ARHGAP42: variants seen among roughly 807,000 people sequenced by gnomAD.
The protein encoded by ARHGAP42 is Rho GTPase activating protein 42.
ARHGAP42 carries 63 observed loss-of-function variants against 125.0 expected under a neutral mutation model. The ratio of observed to expected loss-of-function variants is 0.50; its 90% CI spans 0.41 to 0.62. The LOEUF is 0.62. Ranked by LOEUF, ARHGAP42 falls within the 20% of genes least tolerant of loss-of-function variation. The pLI, the probability that ARHGAP42 is intolerant of heterozygous loss-of-function variation, is 0.00. For synonymous variants in ARHGAP42, 339 were observed against 351.0 expected (o/e 0.97, Z 0.38); for missense variants, 766 against 1,024.2 (o/e 0.75, Z 3.44).
intron 1 of ARHGAP42, among the ~76,000 whole-genome samples, chr11:100,719,934 C>G (rs1462098262): frequency 6.6e-6 from 1 of 152,204 alleles, no homozygotes; most frequent in Admixed American, 6.5e-5. Context: ...AGTTTCACCC[C>G]CAACCTTGCC....
chr11:100,827,244 T>C (rs929590253), intron 3 of ARHGAP42, among the ~76,000 whole-genome samples: 14 of 152,034 alleles, frequency 9.2e-5, no homozygotes, highest in Non-Finnish European at 1.8e-4. Context: ...CTCAAGTGAT[T>C]CACCCATCTT....
At chr11:100,783,927 A>T (rs1863372769) in intron 2 of ARHGAP42, among the ~76,000 whole-genome samples, 2 of 152,306 alleles carry the variant, frequency 1.3e-5, no homozygotes, top group Admixed American at 6.5e-5. Context: ...TACTTACAAA[A>T]TAGAAGGGGG....
intron 22 of ARHGAP42, among the ~76,000 whole-genome samples, chr11:100,987,043 C>T (rs1382794703): frequency 6.6e-6 from 1 of 152,042 alleles, no homozygotes; most frequent in Non-Finnish European, 1.5e-5. Flanking sequence ...TATTATTTTT[C>T]CTATATCACG....
chr11:100,810,484 A>C (rs1171592829), intron 3 of ARHGAP42, among the ~76,000 whole-genome samples: 1 of 152,174 alleles, frequency 6.6e-6, no homozygotes, highest in Non-Finnish European at 1.5e-5. Context: ...ACTTCTGCCA[A>C]ACCTTTGTAT....
At chr11:100,714,387 ATT>A (rs1861616997) in intron 1 of ARHGAP42, among the ~76,000 whole-genome samples, 1 of 98,210 alleles carries the variant, frequency 1.0e-5, no homozygotes, top group Non-Finnish European at 2.0e-5. Flanking sequence ...AAACATAAAA[ATT>A]TGTGTGTGTG....
chr11:100,883,333 C>A (rs543335386), intron 4 of ARHGAP42, among the ~76,000 whole-genome samples: 27 of 152,108 alleles, frequency 1.8e-4, no homozygotes, highest in Non-Finnish European at 3.4e-4. Flanking sequence ...GGTTTTGTTT[C>A]TGTTTGTTTT....
At position 100,991,499 on chromosome 11, in the gene ARHGAP42, TATG is replaced by T. The variant is rs1325071453; in HGVS notation, c.*2706_*2708del. The T allele has an allele frequency of 1.3e-5, 2 of 152,126 alleles. No homozygotes were observed. Among genetic ancestry groups the T allele is most frequent in the African/African-American group, 4.8e-5 (2 of 41,434 alleles). The allele number at this position is 152,126 out of a possible 1,614,324, so 9.4% of individuals were successfully genotyped here. A position where few individuals can be genotyped will look rare whatever the true frequency, so the allele number is the denominator to read the frequency against. ...TAATAACTGCTTACGGTATAATCAG[TATG>T]ATGATGAGATTGAGGGGGTCTAAAT... On this transcript the variant is annotated 3_prime_UTR_variant, in exon 24 of 24. Coordinates refer to ENST00000298815, the MANE Select transcript of ARHGAP42 (RefSeq NM_152432.4).
chr11:100,709,015 GA>G (rs1861520345), intron 1 of ARHGAP42, among the ~76,000 whole-genome samples: 1 of 151,962 alleles, frequency 6.6e-6, no homozygotes, highest in South Asian at 2.1e-4. Flanking sequence ...TTCTTTTTGT[GA>G]TCTGTCAATC....
At chr11:100,965,398 G>A (rs994939474) in intron 16 of ARHGAP42, among the ~76,000 whole-genome samples, 1 of 152,090 alleles carries the variant, frequency 6.6e-6, no homozygotes, top group African/African-American at 2.4e-5. Context: ...ATGAGTTTTG[G>A]CTGTATCAAA....
intron 1 of ARHGAP42, among the ~76,000 whole-genome samples, chr11:100,690,692 G>A (rs953217247): frequency 4.6e-5 from 7 of 152,180 alleles, no homozygotes; most frequent in Admixed American, 1.3e-4. Context: ...CGCCTCCCAG[G>A]TTCACACCAT....
intron 2 of ARHGAP42, among the ~76,000 whole-genome samples, chr11:100,776,825 A>C (rs1863137850): frequency 1.3e-5 from 2 of 152,036 alleles, no homozygotes. Context: ...TCTTCTAAAA[A>C]TACAAAAATG....
chr11:100,705,699 A>C (rs1861471715), intron 1 of ARHGAP42, among the ~76,000 whole-genome samples: 1 of 152,110 alleles, frequency 6.6e-6, no homozygotes, highest in South Asian at 2.1e-4. Context: ...CAATATCTTT[A>C]CCTTACCTGG....
At chr11:100,700,824 A>G (rs1260335689) in intron 1 of ARHGAP42, among the ~76,000 whole-genome samples, 6 of 152,234 alleles carry the variant, frequency 3.9e-5, no homozygotes, top group Admixed American at 2.0e-4. Context: ...CCAGACTTCT[A>G]TTAATGATAT....
intron 19 of ARHGAP42, 91 bp from the exon 20 acceptor site, chr11:100,975,966 C>T: frequency 7.2e-7 from 1 of 1,384,618 alleles, no homozygotes; most frequent in Non-Finnish European, 9.5e-7. Flanking sequence ...CCGCAGAACA[C>T]ATGGTAAGTT....
intron 3 of ARHGAP42, among the ~76,000 whole-genome samples, chr11:100,807,931 T>C (rs1169350018): frequency 1.3e-5 from 2 of 152,200 alleles, no homozygotes; most frequent in African/African-American, 2.4e-5. Context: ...TCATAAACCA[T>C]GTTTTGATGT....
intron 18 of ARHGAP42, 40 bp downstream of exon 18, chr11:100,973,374 C>T (rs1167823112): frequency 1.3e-6 from 2 of 1,539,070 alleles, no homozygotes; most frequent in Non-Finnish European, 1.8e-6. Context: ...AGTTTTATAT[C>T]TTGGTTTTAT....
intron 4 of ARHGAP42, among the ~76,000 whole-genome samples, chr11:100,899,341 G>A (rs1403251368): frequency 1.3e-5 from 2 of 152,160 alleles, no homozygotes; most frequent in Non-Finnish European, 1.5e-5. Context: ...GGAGAGTTCT[G>A]GAGATGTCTA....
Position 100,936,212 on chromosome 11 carries a change from A to G in ARHGAP42, c.712A>G (p.Asn238Asp). 6.4e-7 allele frequency: 1 copy of G among 1,551,648 alleles called. No homozygotes were observed. Among genetic ancestry groups the G allele is most frequent in the Non-Finnish European group, 8.7e-7 (1 of 1,146,890 alleles). ...TTTCTGTTTACTTAAGACAAGGAAT[A>G]ATTTTGAAAGTACTCGACAAGAGGT... The part of the protein sequence containing the change: ...LQFNLQNTRN[N>D]FESTRQEVER... Residue 238 changes from asparagine (N) to aspartate (D), a missense_variant, in exon 8 of 24, where the codon AAT becomes GAT. By Grantham distance (23) the Asn-to-Asp change is conservative. Transcript: ENST00000298815.
At chr11:100,826,671 C>T (rs574433805) in intron 3 of ARHGAP42, among the ~76,000 whole-genome samples, 1 of 152,150 alleles carries the variant, frequency 6.6e-6, no homozygotes, top group Non-Finnish European at 1.5e-5. Flanking sequence ...TACAAGATCT[C>T]TAAACCCCCA....
Sources: allele counts gnomAD v4.1 joint callset (sites outside exome capture counted in the v4.1 genomes callset), GRCh38; gene constraint gnomAD v4.1.1; transcripts MANE v1.5; gene names NCBI Gene and HGNC (gene_info 2026-07-23, HGNC 2026-07-21).